Variants in YAP1 observed in about 807,000 individuals in gnomAD.
YAP1 encodes the protein Yes1 associated transcriptional regulator, also known as transcriptional coactivator YAP1.
Under a neutral mutation model 56.9 loss-of-function variants are expected in YAP1, and 5 were observed. The observed-to-expected ratio is 0.09, with a 90% confidence interval of 0.05 to 0.18. The LOEUF (loss-of-function observed/expected upper bound fraction) is 0.18. Among genes scored for constraint, YAP1 ranks in the 10% least tolerant of loss-of-function variants. The pLI is 1.00. For synonymous variants in YAP1, 265 were observed against 248.1 expected, an observed-to-expected ratio of 1.07 and a Z score of -0.64; for missense variants, 539 against 651.8, an observed-to-expected ratio of 0.83 and a Z score of 1.88.
At chr11:102,134,210 G>T (rs116627041) in intron 2 of YAP1, among the ~76,000 whole-genome samples, 1 of 152,106 alleles carries the variant, frequency 6.6e-6, no homozygotes, top group Admixed American at 6.5e-5. Context: ...GGTAGTGGTG[G>T]TCTCTCACTT....
At chr11:102,175,605 C>G (rs927136498) in intron 3 of YAP1, among the ~76,000 whole-genome samples, 8 of 152,090 alleles carry the variant, frequency 5.3e-5, no homozygotes, top group African/African-American at 1.9e-4. Context: ...ATAGAGTAGG[C>G]TTACACAAAC....
At position 102,164,154 on chromosome 11, in the gene YAP1, C is replaced by T. The variant is rs140971571; in HGVS notation, c.688+1583C>T. 2.4e-3 allele frequency among the ~76,000 whole-genome samples: 365 copies of T among 152,044 alleles called. 14 individuals are homozygous for T. The East Asian group carries it at 0.06, about 25-fold the overall frequency. On this transcript the variant is annotated intron_variant, in intron 3 of 8. Coordinates refer to ENST00000282441, the MANE Select transcript of YAP1 (RefSeq NM_001130145.3). ...CCAGGTTCAAGTGATTCTCGCGCCT[C>T]AGCCTCCCGAGCTGGTACTACAGGC... is the stretch of plus-strand genomic sequence containing the variant.
In YAP1 at chr11:102,231,042, A is replaced by G. The variant is rs1950421687; in HGVS notation, c.*1102A>G. On this transcript the variant is annotated 3_prime_UTR_variant, in exon 9 of 9. Coordinates refer to ENST00000282441, the MANE Select transcript of YAP1 (RefSeq NM_001130145.3). ...TTTAAATCTGGTTGGGGCAGTCTGCAGATGTTTGAAGTAGTTTAGTGTTCT... is the reference window on the plus strand; with the variant it reads ...TTTAAATCTGGTTGGGGCAGTCTGCGGATGTTTGAAGTAGTTTAGTGTTCT... 1 of 152,214 alleles carries G rather than the reference A, an allele frequency of 6.6e-6. No individual in the cohort carries two copies. 9.4% of individuals were successfully genotyped at this position (152,214 alleles called of 1,614,324 possible).
intron 2 of YAP1, among the ~76,000 whole-genome samples, chr11:102,138,102 G>A (rs1944791709): frequency 6.6e-6 from 1 of 152,168 alleles, no homozygotes; most frequent in South Asian, 2.1e-4. Flanking sequence ...GGCCAGGCTG[G>A]TCTCAAACTC....
intron 3 of YAP1, among the ~76,000 whole-genome samples, chr11:102,170,937 T>G (rs1208807282): frequency 1.3e-5 from 2 of 149,956 alleles, no homozygotes. Context: ...CCACTGCACT[T>G]CAGCCTGGGA....
intron 6 of YAP1, among the ~76,000 whole-genome samples, chr11:102,214,521 G>C (rs1949567632): frequency 6.6e-6 from 1 of 152,156 alleles, no homozygotes; most frequent in South Asian, 2.1e-4. Flanking sequence ...TAAAAGTAAA[G>C]TATTTGGCTT....
At chr11:102,171,790 CCTT>C (rs1946915278) in intron 3 of YAP1, among the ~76,000 whole-genome samples, 1 of 152,096 alleles carries the variant, frequency 6.6e-6, no homozygotes, top group Non-Finnish European at 1.5e-5. Context: ...AGTATTTTTC[CCTT>C]CTTAAATCAT....
At chr11:102,226,246 G>T (rs1395114397) in intron 7 of YAP1, among the ~76,000 whole-genome samples, 1 of 152,102 alleles carries the variant, frequency 6.6e-6, no homozygotes, top group Non-Finnish European at 1.5e-5. Flanking sequence ...GTGTTTTCTT[G>T]GATCTGTGTG....
At chr11:102,121,179 T>C (rs1221950814) in intron 2 of YAP1, among the ~76,000 whole-genome samples, 1 of 152,176 alleles carries the variant, frequency 6.6e-6, no homozygotes. Flanking sequence ...AGCTCACGTC[T>C]GTAATCCCAG....
intron 2 of YAP1, among the ~76,000 whole-genome samples, chr11:102,117,589 A>C (rs1192779396): frequency 6.6e-6 from 1 of 152,206 alleles, no homozygotes; most frequent in Non-Finnish European, 1.5e-5. Context: ...CAGCATGATT[A>C]CTGAAAGATT....
In YAP1 at chr11:102,170,708, C is replaced by T. The variant is rs553646777; in HGVS notation, c.688+8137C>T. 2.5e-3 allele frequency among the ~76,000 whole-genome samples: 378 copies of T among 152,226 alleles called. 2 individuals are homozygous for T. The highest frequency in any genetic ancestry group is 8.9e-3 in the African/African-American group (370 of 41,536). On this transcript the variant is annotated intron_variant, in intron 3 of 8. Transcript: ENST00000282441. Reference sequence around the variant, plus strand: ...GGTAGGCCGGGTGTGGTGGCTCACACCTATAATCCCAGCACTTTGGAAGGC... The same window carrying T: ...GGTAGGCCGGGTGTGGTGGCTCACATCTATAATCCCAGCACTTTGGAAGGC...
At chr11:102,227,940 T>C (rs1252949363) in intron 8 of YAP1, among the ~76,000 whole-genome samples, 1 of 151,486 alleles carries the variant, frequency 6.6e-6, no homozygotes, top group African/African-American at 2.4e-5. Context: ...GCTGTCATGG[T>C]ACATGCCTGT....
chr11:102,114,907 G>C (rs181949162), intron 2 of YAP1, among the ~76,000 whole-genome samples: 1 of 152,132 alleles, frequency 6.6e-6, no homozygotes, highest in Admixed American at 6.6e-5. Context: ...ACTGAAGCTT[G>C]ATGTGACTTA....
At chr11:102,193,647 A>G (rs1473786304) in intron 4 of YAP1, among the ~76,000 whole-genome samples, 1 of 152,186 alleles carries the variant, frequency 6.6e-6, no homozygotes, top group African/African-American at 2.4e-5. Context: ...TATACAGTGA[A>G]GAAACATTTT....
At chr11:102,173,973 T>C (rs1201481566) in intron 3 of YAP1, among the ~76,000 whole-genome samples, 3 of 152,228 alleles carry the variant, frequency 2.0e-5, no homozygotes, top group African/African-American at 4.8e-5. Context: ...TAATTTGTAA[T>C]GTGTCAAGGA....
At position 102,202,707 on chromosome 11, in the gene YAP1, T is replaced by C. The variant is rs74939361; in HGVS notation, c.803-3186T>C. Among the ~76,000 whole-genome samples the C allele has an allele frequency of 7.9e-3, 1,203 of 152,242 alleles. 22 individuals are homozygous for C. Among genetic ancestry groups the C allele is most frequent in the African/African-American group, 0.027 (1,135 of 41,532 alleles). On this transcript the variant is annotated intron_variant, in intron 4 of 8. Coordinates refer to ENST00000282441, the MANE Select transcript of YAP1 (RefSeq NM_001130145.3). ...GATACCATCATTTTGTAACCTCTAA[T>C]GAAATAATGGGTTTAGGTTTAAAAA...
Position 102,110,827 on chromosome 11 carries a change from C to A in YAP1, c.-22C>A. The A allele has an allele frequency of 7.3e-7, 1 of 1,377,592 alleles. No individual in the cohort carries two copies. 85.3% of individuals were successfully genotyped at this position (1,377,592 alleles called of 1,614,324 possible). ...CCTCGCTCGCCTGGGTCAGGGGGTG[C>A]GCGTCGGGGGAGGCAGAAGCCATGG... On this transcript the variant is annotated 5_prime_UTR_variant, in exon 1 of 9. Coordinates refer to ENST00000282441, the MANE Select transcript of YAP1 (RefSeq NM_001130145.3).
intron 6 of YAP1, among the ~76,000 whole-genome samples, chr11:102,212,226 T>G (rs1259745476): frequency 1.3e-5 from 2 of 152,238 alleles, no homozygotes; most frequent in African/African-American, 2.4e-5. Context: ...AGTGTCATTT[T>G]CTAATCGTAT....
intron 2 of YAP1, among the ~76,000 whole-genome samples, chr11:102,140,217 T>C (rs1944933854): frequency 6.6e-6 from 1 of 151,970 alleles, no homozygotes; most frequent in South Asian, 2.1e-4. Context: ...TATTTTTCCA[T>C]TGTTCTGGAA....
Sources: allele counts gnomAD v4.1 joint callset (sites outside exome capture counted in the v4.1 genomes callset), GRCh38; gene constraint gnomAD v4.1.1; transcripts MANE v1.5; gene names NCBI Gene and HGNC (gene_info 2026-07-23, HGNC 2026-07-21).